The following COL21A1 variants were observed in gnomAD, a reference collection of about 807,000 sequenced individuals.
COL21A1 encodes the protein collagen alpha-1(XXI) chain.
In COL21A1, 149 loss-of-function variants were observed where a neutral mutation model predicts 137.9. The ratio of observed to expected loss-of-function variants is 1.08; its 90% confidence interval spans 0.95 to 1.24. The LOEUF (loss-of-function observed/expected upper bound fraction) is 1.24, where lower values mean the gene tolerates loss of function less well. COL21A1 is among the 50% of genes most tolerant of loss of function. The pLI is 0.00. For missense variants in COL21A1, 1,167 were observed against 1,158.4 expected (o/e 1.01, Z -0.11); for synonymous variants, 456 against 391.5 (o/e 1.16, Z -1.95).
At chr6:56,239,952 G>A (rs1174369002) in intron 1 of COL21A1, among the ~76,000 whole-genome samples, 1 of 152,122 alleles carries the variant, frequency 6.6e-6, no homozygotes, top group African/African-American at 2.4e-5. Context: ...GAGGGACCTG[G>A]TGGGAGATAA....
chr6:56,084,229 TA>T (rs960593642), intron 17 of COL21A1, among the ~76,000 whole-genome samples: 8 of 151,192 alleles, frequency 5.3e-5, no homozygotes, highest in Admixed American at 1.3e-4. Context: ...TATATATATA[TA>T]AAAAACATTA....
Position 56,164,450 on chromosome 6 carries a change from C to G in COL21A1, c.1344G>C (p.Pro448=), listed in dbSNP as rs140409980. ...TGGGGCCTTGAAGTCCTGGTTTTCC[C>G]GGAGGACAAATACAGGGAGCTGGAG... ...GSTPAPCICP[P]GKPGLQGPKG... The change falls in exon 9 of 30, where the codon CCG becomes CCC. Residue 448 remains proline (P), a synonymous_variant. Coordinates refer to ENST00000244728, the MANE Select transcript of COL21A1 (RefSeq NM_030820.4). 1.5e-5 allele frequency: 24 copies of G among 1,588,786 alleles called. No individual in the cohort carries two copies. In the East Asian group the frequency reaches 5.4e-4, roughly 36 times the overall value.
rs549174736 is a variant in COL21A1 at position 56,144,920 on chromosome 6, G to A, written c.1435-2937C>T. Among the ~76,000 whole-genome samples the A allele has an allele frequency of 1.4e-4, 21 of 152,294 alleles. No homozygotes were observed. The South Asian group carries it at 4.1e-3, about 30-fold the overall frequency. On this transcript the variant is annotated intron_variant, in intron 10 of 29. Transcript: ENST00000244728. ...AAGACTTAGTTTCTTACCATAAACT[G>A]TTATTATTATCCACTTCACTTTTGA...
At chr6:56,167,498 A>T (rs1415301678) in intron 6 of COL21A1, among the ~76,000 whole-genome samples, 1 of 152,216 alleles carries the variant, frequency 6.6e-6, no homozygotes. Flanking sequence ...ATGTGTAAAC[A>T]CGTATATGAA....
rs180835243 is a variant in COL21A1 at position 56,090,268 on chromosome 6, A to G, written c.1812+11204T>C. On this transcript the variant is annotated intron_variant, in intron 17 of 29. Coordinates refer to ENST00000244728, the MANE Select transcript of COL21A1 (RefSeq NM_030820.4). ...AAAAGATTTCTTAGAACAACACAAAAAAATGATCAGTGCCGTAGACACAGA... is the reference window on the plus strand; with the variant it reads ...AAAAGATTTCTTAGAACAACACAAAGAAATGATCAGTGCCGTAGACACAGA... Among the ~76,000 whole-genome samples, 81 of 152,294 alleles carry G rather than the reference A, an allele frequency of 5.3e-4. 2 individuals carry two copies. In the South Asian group the frequency reaches 0.016, roughly 31 times the overall value.
intron 1 of COL21A1, among the ~76,000 whole-genome samples, chr6:56,221,362 A>G (rs1248954141): frequency 6.6e-6 from 1 of 152,180 alleles, no homozygotes; most frequent in African/African-American, 2.4e-5. Context: ...CAAACTAGGA[A>G]TCAGCCACCA....
chr6:56,064,564 A>C lies in COL21A1; in HGVS notation c.2172+14T>G. 6.3e-7 allele frequency: 1 copy of C among 1,583,316 alleles called. No homozygotes were observed. Among genetic ancestry groups the C allele is most frequent in the Non-Finnish European group, 8.6e-7 (1 of 1,160,400 alleles). ...TGTTATTTCATTTTTTATCAGAAGA[A>C]AACCAAAAAATACCTGTTGCCCTGG... is the stretch of plus-strand genomic sequence containing the variant. On this transcript the variant is annotated intron_variant, in intron 24 of 29. Coordinates refer to ENST00000244728, the MANE Select transcript of COL21A1 (RefSeq NM_030820.4).
At chr6:56,276,466 T>C in intron 1 of COL21A1, 3 of 695,870 alleles carry the variant, frequency 4.3e-6, no homozygotes, top group Non-Finnish European at 2.4e-6. Context: ...AATGTAAAAA[T>C]ACATACTTTT....
intron 1 of COL21A1, among the ~76,000 whole-genome samples, chr6:56,271,351 C>T (rs1240640364): frequency 1.3e-5 from 2 of 152,108 alleles, no homozygotes; most frequent in African/African-American, 4.8e-5. Flanking sequence ...AAGCAGCAAA[C>T]CAGATTTAGG....
intron 1 of COL21A1, among the ~76,000 whole-genome samples, chr6:56,232,360 T>A (rs1237341225): frequency 1.3e-5 from 2 of 151,940 alleles, no homozygotes; most frequent in African/African-American, 4.8e-5. Context: ...TATGTTAGAC[T>A]AGTGTGACAA....
chr6:56,241,805 T>C (rs894432481), intron 1 of COL21A1, among the ~76,000 whole-genome samples: 1 of 152,242 alleles, frequency 6.6e-6, no homozygotes, highest in African/African-American at 2.4e-5. Flanking sequence ...CATGCTATGC[T>C]TGTTGAGGTT....
chr6:56,238,460 A>T (rs2152322874), intron 1 of COL21A1, among the ~76,000 whole-genome samples: 1 of 149,426 alleles, frequency 6.7e-6, no homozygotes, highest in South Asian at 2.1e-4. Flanking sequence ...AAGCCTCCAC[A>T]ATTGCTAAAT....
At chr6:56,063,469 AGTT>A (rs1382198781) in intron 24 of COL21A1, among the ~76,000 whole-genome samples, 4 of 151,782 alleles carry the variant, frequency 2.6e-5, no homozygotes, top group African/African-American at 9.7e-5. Flanking sequence ...AATAGGATGG[AGTT>A]GTTTGTGTCA....
chr6:56,275,184 C>T (rs1763613222), intron 1 of COL21A1, among the ~76,000 whole-genome samples: 1 of 152,104 alleles, frequency 6.6e-6, no homozygotes, highest in African/African-American at 2.4e-5. Context: ...AAACTGGACC[C>T]CTGCCTTTCA....
chr6:56,290,503 T>TTTTTTTTG (rs1554178986), intron 1 of COL21A1, among the ~76,000 whole-genome samples: 2 of 147,214 alleles, frequency 1.4e-5, no homozygotes, highest in Non-Finnish European at 1.5e-5. Flanking sequence ...TAGGAGATTT[T>TTTTTTTTG]TTTTTTTTTT....
intron 1 of COL21A1, among the ~76,000 whole-genome samples, chr6:56,246,059 T>C (rs1782620169): frequency 6.6e-6 from 1 of 151,922 alleles, no homozygotes; most frequent in African/African-American, 2.4e-5. Flanking sequence ...TAGAAACAGC[T>C]GGAACTATTT....
chr6:56,156,223 G>A (rs1056222981), intron 10 of COL21A1, among the ~76,000 whole-genome samples: 39 of 152,162 alleles, frequency 2.6e-4, no homozygotes, highest in African/African-American at 8.9e-4. Flanking sequence ...CAGCAAAGAT[G>A]TATGCAATTT....
chr6:56,271,162 A>T (rs1763516898), intron 1 of COL21A1, among the ~76,000 whole-genome samples: 1 of 152,232 alleles, frequency 6.6e-6, no homozygotes, highest in South Asian at 2.1e-4. Flanking sequence ...CAAAATGCTG[A>T]TAGTGACAAT....
chr6:56,097,993 G>A (rs1174239497), intron 17 of COL21A1, among the ~76,000 whole-genome samples: 152 of 9,080 alleles, frequency 0.017, 11 homozygotes, highest in Middle Eastern at 0.042. Flanking sequence ...AAATATATAT[G>A]TAAATATATA....
Sources: allele counts gnomAD v4.1 joint callset (sites outside exome capture counted in the v4.1 genomes callset), GRCh38; gene constraint gnomAD v4.1.1; transcripts MANE v1.5; gene names NCBI Gene and HGNC (gene_info 2026-07-23, HGNC 2026-07-21).